Variants in FNIP1 observed in about 807,000 individuals in gnomAD.
The protein encoded by FNIP1 is folliculin-interacting protein 1.
Under a neutral mutation model 124.5 loss-of-function variants are expected in FNIP1, and 40 were observed. The observed-to-expected ratio is 0.32, with a 90% confidence interval of 0.25 to 0.42. The LOEUF is 0.42. Ranked by LOEUF, FNIP1 falls within the 10% of genes least tolerant of loss-of-function variation. The pLI, the probability that FNIP1 is intolerant of heterozygous loss-of-function variation, is 1.00. For synonymous variants in FNIP1, 472 were observed against 470.6 expected, an observed-to-expected ratio of 1.00 and a Z score of -0.04; for missense variants, 1,176 against 1,403.7, an observed-to-expected ratio of 0.84 and a Z score of 2.59.
chr5:131,672,714 T>C lies in FNIP1; in HGVS notation c.1730A>G (p.Glu577Gly). The C allele has an allele frequency of 6.2e-7, 1 of 1,613,712 alleles. No homozygotes were observed. Among genetic ancestry groups the C allele is most frequent in the Non-Finnish European group, 8.5e-7 (1 of 1,179,798 alleles). ...TVITTTLEKG[E>G]IEESEYVLVT... is the part of the protein sequence containing the mutation. ...AAGGACATACTCTGATTCTTCTATT[T>C]CACCTTTCTCTAAAGTGGTAGTAAT... The change falls in exon 14 of 18, where the codon GAA becomes GGA. Residue 577 changes from glutamate (E) to glycine (G), a missense_variant. Glu to Gly is a moderately conservative substitution (Grantham distance 98). Transcript: ENST00000510461.
chr5:131,778,521 A>G (rs1771887074), intron 1 of FNIP1, among the ~76,000 whole-genome samples: 1 of 142,502 alleles, frequency 7.0e-6, no homozygotes, highest in African/African-American at 2.7e-5. Flanking sequence ...GATGTGGAGA[A>G]ATAGGAACAC....
intron 1 of FNIP1, among the ~76,000 whole-genome samples, chr5:131,749,557 A>G (rs1319940313): frequency 6.6e-6 from 1 of 151,748 alleles, no homozygotes; most frequent in Non-Finnish European, 1.5e-5. Flanking sequence ...ATGCCTGGCT[A>G]ATTTTTATAT....
chr5:131,679,534 C>T (rs545908015), intron 11 of FNIP1, among the ~76,000 whole-genome samples: 9 of 152,190 alleles, frequency 5.9e-5, no homozygotes, highest in South Asian at 4.1e-4. Context: ...TTAAATATAC[C>T]GCAAATAATC....
At chr5:131,683,274 C>T (rs2149520456) in intron 11 of FNIP1, among the ~76,000 whole-genome samples, 1 of 152,164 alleles carries the variant, frequency 6.6e-6, no homozygotes, top group East Asian at 1.9e-4. Context: ...AACCCATGCA[C>T]ATCCTCCTGT....
chr5:131,729,928 A>G (rs1403656147), intron 3 of FNIP1, among the ~76,000 whole-genome samples: 1 of 151,530 alleles, frequency 6.6e-6, no homozygotes, highest in African/African-American at 2.4e-5. Context: ...TTTAGTAGAG[A>G]TAGGGTTTCT....
intron 1 of FNIP1, among the ~76,000 whole-genome samples, chr5:131,767,112 G>C (rs931265476): frequency 2.0e-5 from 3 of 152,016 alleles, no homozygotes; most frequent in Non-Finnish European, 4.4e-5. Context: ...CACTCCACTT[G>C]AAAGTATCTC....
At chr5:131,716,823 A>G (rs547312617) in intron 5 of FNIP1, among the ~76,000 whole-genome samples, 167 bp from the exon 6 acceptor site, 9 of 152,282 alleles carry the variant, frequency 5.9e-5, no homozygotes, top group Non-Finnish European at 1.3e-4. Context: ...TATAGCCTGG[A>G]GTGCCAGATC....
intron 1 of FNIP1, among the ~76,000 whole-genome samples, chr5:131,778,868 C>T (rs1771901386): frequency 1.5e-5 from 2 of 134,674 alleles, no homozygotes; most frequent in Admixed American, 1.5e-4. Context: ...AAATTGGAAA[C>T]CATCATTCTC....
intron 11 of FNIP1, among the ~76,000 whole-genome samples, chr5:131,688,701 T>C (rs1371691990): frequency 4.6e-5 from 4 of 86,024 alleles, no homozygotes; most frequent in Admixed American, 3.9e-4. Context: ...ATGCTAGCAA[T>C]TAAAAAAAAA....
At chr5:131,757,210 T>C (rs1291651152) in intron 1 of FNIP1, among the ~76,000 whole-genome samples, 1 of 152,066 alleles carries the variant, frequency 6.6e-6, no homozygotes, top group Non-Finnish European at 1.5e-5. Flanking sequence ...GTGGTCAGAA[T>C]GGGAAGATCT....
At chr5:131,740,191 C>T (rs982731948) in intron 2 of FNIP1, among the ~76,000 whole-genome samples, 3 of 152,144 alleles carry the variant, frequency 2.0e-5, no homozygotes, top group Non-Finnish European at 2.9e-5. Flanking sequence ...TATGCATAGG[C>T]AACTTTGTCA....
chr5:131,704,385 T>A, intron 9 of FNIP1, 119 bp from the exon 10 acceptor site: 1 of 753,686 alleles, frequency 1.3e-6, no homozygotes, highest in South Asian at 2.1e-5. Flanking sequence ...AACAAACCTA[T>A]AATTTCATAC....
At position 131,676,691 on chromosome 5, in the gene FNIP1, T is replaced by C. The variant is rs141715700; in HGVS notation, c.1519+1012A>G. On this transcript the variant is annotated intron_variant, in intron 13 of 17. Transcript: ENST00000510461. Reference sequence around the variant, plus strand: ...GGGAGATCATTTGATCCCAGGGAAATTGGAGCTGCAGTGAGCCATGATCGT... The same window carrying C: ...GGGAGATCATTTGATCCCAGGGAAACTGGAGCTGCAGTGAGCCATGATCGT... 4.5e-3 allele frequency among the ~76,000 whole-genome samples: 686 copies of C among 152,108 alleles called. 12 individuals are homozygous for C. Among genetic ancestry groups the C allele is most frequent in the African/African-American group, 0.016 (663 of 41,522 alleles).
In FNIP1 at chr5:131,647,117, T is replaced by C; in HGVS notation, c.3395A>G (p.His1132Arg). Residue 1132 changes from histidine to arginine, a missense_variant, in exon 17 of 18, where the codon CAT (histidine) becomes CGT (arginine). Physicochemically the swap from His to Arg is conservative, Grantham distance 29. Around this residue, in one of 2 missense-constraint regions of FNIP1, gnomAD observed 67 missense variants for 115.2 expected, o/e 0.58. Transcript: ENST00000510461. ...SEYLRGQMRVHVKELGVVLGI... is the reference protein window; with the variant it reads ...SEYLRGQMRVRVKELGVVLGI... ...CAGAACCACTCCCAGCTCCTTGACA[T>C]GAACACGCATCTGCCCCCTCAGGTA... 6.2e-7 allele frequency: 1 copy of C among 1,614,128 alleles called. No individual in the cohort carries two copies.
chr5:131,671,082 T>C (rs1471132281), intron 14 of FNIP1, among the ~76,000 whole-genome samples: 3 of 152,208 alleles, frequency 2.0e-5, no homozygotes, highest in African/African-American at 7.2e-5. Flanking sequence ...TTCTCAAGCA[T>C]GAATATTCTC....
intron 1 of FNIP1, among the ~76,000 whole-genome samples, chr5:131,781,286 G>C (rs745998749): frequency 1.3e-5 from 2 of 152,204 alleles, no homozygotes; most frequent in African/African-American, 4.8e-5. Context: ...AAATTACCCA[G>C]AAGATCTAGC....
intron 1 of FNIP1, among the ~76,000 whole-genome samples, chr5:131,773,171 T>C (rs916729623): frequency 2.6e-5 from 4 of 152,156 alleles, no homozygotes; most frequent in Non-Finnish European, 5.9e-5. Flanking sequence ...ATGCTACCTC[T>C]TCTAACAGAA....
At chr5:131,761,961 A>C (rs1771246127) in intron 1 of FNIP1, among the ~76,000 whole-genome samples, 1 of 152,044 alleles carries the variant, frequency 6.6e-6, no homozygotes, top group African/African-American at 2.4e-5. Flanking sequence ...CAAATCCTAC[A>C]GTGAATTCAT....
chr5:131,744,507 C>T, intron 2 of FNIP1, 57 bp downstream of exon 2: 3 of 1,528,836 alleles, frequency 2.0e-6, no homozygotes, highest in Non-Finnish European at 2.7e-6. Context: ...TTTGATAATA[C>T]TGGAATTATC....
Sources: allele counts gnomAD v4.1 joint callset (sites outside exome capture counted in the v4.1 genomes callset), GRCh38; gene constraint gnomAD v4.1.1; regional missense constraint gnomAD v4.1.1; transcripts MANE v1.5; gene names NCBI Gene and HGNC (gene_info 2026-07-23, HGNC 2026-07-21).